Variants in SLC25A17 observed in about 807,000 individuals in gnomAD.
The protein encoded by SLC25A17 is solute carrier family 25 member 17, also known as peroxisomal membrane protein PMP34.
Under a neutral mutation model 38.5 loss-of-function variants are expected in SLC25A17, and 26 were observed. The observed-to-expected ratio is 0.68, with a 90% CI of 0.50 to 0.94. The LOEUF is 0.94. SLC25A17 is among the 40% of genes least tolerant of loss of function. The probability of loss-of-function intolerance (pLI) is 0.00; values close to 1 mark genes in which losing one functional copy is unlikely to be tolerated. For synonymous variants in SLC25A17, 139 were observed against 136.2 expected (o/e 1.02, Z -0.14); for missense variants, 333 against 372.7 (o/e 0.89, Z 0.88).
intron 7 of SLC25A17, among the ~76,000 whole-genome samples, chr22:40,775,376 T>C (rs1044888154): frequency 7.7e-5 from 11 of 143,410 alleles, no homozygotes; most frequent in Admixed American, 6.6e-4. Flanking sequence ...AACTAAATCA[T>C]GGGGGTGGTT....
At chr22:40,790,299 C>T (rs1286176171) in intron 4 of SLC25A17, among the ~76,000 whole-genome samples, 1 of 143,260 alleles carries the variant, frequency 7.0e-6, no homozygotes, top group Non-Finnish European at 1.5e-5. Flanking sequence ...CAAGATTATG[C>T]CACTGCACTC....
intron 5 of SLC25A17, 140 bp downstream of exon 5, chr22:40,778,865 TAAAC>T (rs1158650427): frequency 2.4e-5 from 16 of 675,194 alleles, no homozygotes; most frequent in Non-Finnish European, 4.0e-5. Context: ...ACAAAGAACT[TAAAC>T]AAATTTACAA....
At position 40,793,170 on chromosome 22, in the gene SLC25A17, C is replaced by A. The variant is rs145840356; in HGVS notation, c.183-494G>T. On this transcript the variant is annotated intron_variant, in intron 3 of 8. Transcript: ENST00000435456. ...ATGAAGTACAGTAATCAATTGTAAA[C>A]CATTGAAAAATAGACATTTCTGAGC... 4.4e-4 allele frequency among the ~76,000 whole-genome samples: 67 copies of A among 152,062 alleles called. 1 individual carries two copies. The highest frequency in any genetic ancestry group is 1.0e-3 in the South Asian group (5 of 4,798).
chr22:40,801,446 T>C (rs1363021210), intron 1 of SLC25A17, among the ~76,000 whole-genome samples: 1 of 152,190 alleles, frequency 6.6e-6, no homozygotes, highest in South Asian at 2.1e-4. Context: ...TCTATATCTG[T>C]GCACATCCTA....
intron 4 of SLC25A17, chr22:40,779,413 C>A: frequency 1.5e-6 from 1 of 671,080 alleles, no homozygotes; most frequent in Non-Finnish European, 2.4e-6. Flanking sequence ...ATTTATATAC[C>A]ATTCAAAGTA....
chr22:40,814,597 G>A (rs2057615977), intron 1 of SLC25A17, among the ~76,000 whole-genome samples: 1 of 151,904 alleles, frequency 6.6e-6, no homozygotes, highest in Admixed American at 6.6e-5. Context: ...CACAATAAAA[G>A]TCTGACATTG....
At chr22:40,786,732 G>A (rs1214785403) in intron 4 of SLC25A17, among the ~76,000 whole-genome samples, 1 of 152,208 alleles carries the variant, frequency 6.6e-6, no homozygotes, top group African/African-American at 2.4e-5. Flanking sequence ...AGGGCCGACT[G>A]TAGTTGAATT....
chr22:40,784,630 G>C, intron 4 of SLC25A17: 1 of 203,960 alleles, frequency 4.9e-6, no homozygotes, highest in South Asian at 5.5e-5. Context: ...AAAAAAATTA[G>C]CTGGGTGTGG....
chr22:40,807,980 T>C (rs2057544663), intron 1 of SLC25A17, among the ~76,000 whole-genome samples: 1 of 152,154 alleles, frequency 6.6e-6, no homozygotes, highest in Non-Finnish European at 1.5e-5. Context: ...TATCTTAACA[T>C]AAACACTCAT....
intron 4 of SLC25A17, among the ~76,000 whole-genome samples, chr22:40,780,934 C>T (rs1363468517): frequency 6.6e-6 from 1 of 152,048 alleles, no homozygotes; most frequent in Non-Finnish European, 1.5e-5. Context: ...CTTTGAGAGG[C>T]TGATATGGGA....
chr22:40,792,637 A>C lies in SLC25A17; in HGVS notation c.222T>G (p.Ser74Arg). The C allele has an allele frequency of 6.2e-7, 1 of 1,614,084 alleles. No homozygotes were observed. Among genetic ancestry groups the C allele is most frequent in the Non-Finnish European group, 8.5e-7 (1 of 1,179,996 alleles). The change falls in exon 4 of 9, where the codon AGT becomes AGG. Residue 74 changes from serine (S) to arginine (R), a missense_variant. By Grantham distance (110) the Ser-to-Arg change is moderately radical. Coordinates refer to ENST00000435456, the MANE Select transcript of SLC25A17 (RefSeq NM_006358.4). Reference protein sequence around the residue: ...PYRGWFPVISSLCCSNFVYFY... With the variant: ...PYRGWFPVISRLCCSNFVYFY... ...AATAGACAAAATTGGAGCAGCAGAG[A>C]CTGGAAATCACTGGAAACCACCCTC...
intron 1 of SLC25A17, among the ~76,000 whole-genome samples, chr22:40,818,866 G>T (rs1243301135): frequency 6.6e-6 from 1 of 152,084 alleles, no homozygotes; most frequent in Non-Finnish European, 1.5e-5. Context: ...TCTCCTCCGG[G>T]CCAGTAAAGC....
chr22:40,784,976 A>G (rs2057325736), intron 4 of SLC25A17, among the ~76,000 whole-genome samples: 1 of 152,036 alleles, frequency 6.6e-6, no homozygotes. Context: ...TCTGACTTCT[A>G]TATGTCACTT....
chr22:40,798,708 C>G (rs576583528), intron 2 of SLC25A17, among the ~76,000 whole-genome samples: 52 of 148,544 alleles, frequency 3.5e-4, no homozygotes, highest in African/African-American at 1.3e-3. Flanking sequence ...TGGCTCATCC[C>G]TGTAATCCCA....
At chr22:40,785,220 C>G (rs916733030) in intron 4 of SLC25A17, among the ~76,000 whole-genome samples, 1 of 152,140 alleles carries the variant, frequency 6.6e-6, no homozygotes, top group Non-Finnish European at 1.5e-5. Context: ...CCCGTCTCTA[C>G]TAAAAATACA....
rs759163675 is a variant in SLC25A17, at chr22:40,778,993, G to A, written c.451+16C>T. The A allele has an allele frequency of 5.0e-6, 8 of 1,593,110 alleles. No individual in the cohort carries two copies. Among genetic ancestry groups the A allele is most frequent in the Non-Finnish European group, 6.9e-6 (8 of 1,161,334 alleles). On this transcript the variant is annotated intron_variant, in intron 5 of 8. Coordinates refer to ENST00000435456, the MANE Select transcript of SLC25A17 (RefSeq NM_006358.4). ...AAGAAAACCCTTAAATAGGAATTCA[G>A]CAAAGAGATACTTACCAATGATACC... is the stretch of plus-strand genomic sequence containing the variant.
At chr22:40,800,962 G>A (rs540958497) in intron 1 of SLC25A17, among the ~76,000 whole-genome samples, 208 of 150,992 alleles carry the variant, frequency 1.4e-3, no homozygotes, top group Non-Finnish European at 2.5e-3. Context: ...AAATTAGCTG[G>A]GCCTGGTGGC....
At chr22:40,775,461 T>TTC (rs2057233030) in intron 7 of SLC25A17, among the ~76,000 whole-genome samples, 1 of 79,532 alleles carries the variant, frequency 1.3e-5, no homozygotes, top group Non-Finnish European at 2.6e-5. Context: ...TTTTTTTTTT[T>TTC]TTTTTTTTTT....
At chr22:40,802,862 G>A (rs1043228751) in intron 1 of SLC25A17, among the ~76,000 whole-genome samples, 3 of 152,142 alleles carry the variant, frequency 2.0e-5, no homozygotes, top group African/African-American at 7.2e-5. Context: ...ATACCACAGT[G>A]AGACATTTCA....
Sources: gnomAD v4.1 joint callset for allele counts (sites outside exome capture counted in the v4.1 genomes callset) on GRCh38, gnomAD v4.1.1 for gene constraint, MANE v1.5 for transcripts, NCBI Gene and HGNC (gene_info 2026-07-23, HGNC 2026-07-21) for gene names.